The following CSMD1 variants were observed in gnomAD, a reference collection of about 807,000 sequenced individuals.
CSMD1 encodes CUB and Sushi multiple domains 1, also known as CUB and sushi domain-containing protein 1.
A neutral mutation model predicts 417.5 loss-of-function variants in CSMD1; 213 were observed. The ratio of observed to expected loss-of-function variants is 0.51; its 90% CI spans 0.46 to 0.57. The LOEUF (loss-of-function observed/expected upper bound fraction) is 0.57, where lower values mean the gene tolerates loss of function less well. Among genes scored for constraint, CSMD1 ranks in the 20% least tolerant of loss-of-function variants. The probability of loss-of-function intolerance (pLI) is 0.00; values close to 1 mark genes in which losing one functional copy is unlikely to be tolerated. For missense variants in CSMD1, 6,923 were observed against 4,529.7 expected, an observed-to-expected ratio of 1.53 and a Z score of -15.17; for synonymous variants, 2,862 against 1,736.8, an observed-to-expected ratio of 1.65 and a Z score of -16.11.
At chr8:4,071,572 C>G (rs967138125) in intron 3 of CSMD1, among the ~76,000 whole-genome samples, 2 of 152,250 alleles carry the variant, frequency 1.3e-5, no homozygotes, top group African/African-American at 4.8e-5. Flanking sequence ...ATTCCAACAT[C>G]TGTGTCCTAT....
chr8:3,631,421 C>G (rs1796778439), intron 7 of CSMD1, among the ~76,000 whole-genome samples: 1 of 152,120 alleles, frequency 6.6e-6, no homozygotes, highest in Admixed American at 6.5e-5. Flanking sequence ...CGTGGCTGAG[C>G]CTGGAGCGTT....
chr8:3,091,024 CAT>C (rs1814906384), intron 48 of CSMD1, among the ~76,000 whole-genome samples: 1 of 151,688 alleles, frequency 6.6e-6, no homozygotes, highest in African/African-American at 2.4e-5. Flanking sequence ...ATATATTAAA[CAT>C]ATATTTATTA....
chr8:3,192,820 T>C (rs1457177714), intron 33 of CSMD1, among the ~76,000 whole-genome samples: 1 of 152,194 alleles, frequency 6.6e-6, no homozygotes, highest in Non-Finnish European at 1.5e-5. Flanking sequence ...TGGAGCATTT[T>C]GAATTTTGGA....
intron 5 of CSMD1, among the ~76,000 whole-genome samples, chr8:3,933,637 A>G (rs1018440687): frequency 6.6e-6 from 1 of 152,192 alleles, no homozygotes. Context: ...TAGTCTCTAT[A>G]TTGAAGAGAT....
intron 3 of CSMD1, among the ~76,000 whole-genome samples, chr8:4,067,720 A>G (rs1799326326): frequency 6.6e-6 from 1 of 152,172 alleles, no homozygotes; most frequent in East Asian, 1.9e-4. Flanking sequence ...AGATAGTGTA[A>G]TTTGATAAAG....
At chr8:2,951,461 A>C (rs1460547827) in intron 65 of CSMD1, among the ~76,000 whole-genome samples, 186 bp from the exon 66 acceptor site, 2 of 152,202 alleles carry the variant, frequency 1.3e-5, no homozygotes, top group Admixed American at 1.3e-4. Context: ...GCAGGTGCGA[A>C]GATTATTATG....
At chr8:3,120,218 G>C (rs1817118205) in intron 41 of CSMD1, among the ~76,000 whole-genome samples, 1 of 152,116 alleles carries the variant, frequency 6.6e-6, no homozygotes, top group Non-Finnish European at 1.5e-5. Context: ...ACAGGGGATG[G>C]GAACACAAAG....
chr8:4,765,450 A>G (rs926215095), intron 1 of CSMD1, among the ~76,000 whole-genome samples: 1 of 152,248 alleles, frequency 6.6e-6, no homozygotes, highest in African/African-American at 2.4e-5. Flanking sequence ...AGCGTAATTC[A>G]ATTAAATGCA....
intron 23 of CSMD1, among the ~76,000 whole-genome samples, chr8:3,338,114 C>G (rs150640508): frequency 1.2e-4 from 18 of 152,280 alleles, no homozygotes; most frequent in African/African-American, 3.9e-4. Context: ...TACAAAAGGA[C>G]CCCCTTGAGG....
At chr8:4,033,911 C>T (rs952259740) in intron 3 of CSMD1, among the ~76,000 whole-genome samples, 5 of 152,108 alleles carry the variant, frequency 3.3e-5, no homozygotes, top group Non-Finnish European at 5.9e-5. Context: ...CTATTGTATC[C>T]ATATCTAAGG....
chr8:3,312,488 C>T (rs907048924), intron 23 of CSMD1, among the ~76,000 whole-genome samples: 3 of 152,108 alleles, frequency 2.0e-5, no homozygotes, highest in East Asian at 3.9e-4. Flanking sequence ...AAGTATTTGG[C>T]CATTCTAGAG....
intron 54 of CSMD1, among the ~76,000 whole-genome samples, chr8:2,984,330 C>T (rs1014368760): frequency 6.6e-6 from 1 of 152,080 alleles, no homozygotes; most frequent in Non-Finnish European, 1.5e-5. Context: ...GAAACCTGTG[C>T]GTTGAGGCTA....
At chr8:4,174,815 T>C (rs1483812462) in intron 3 of CSMD1, among the ~76,000 whole-genome samples, 1 of 113,370 alleles carries the variant, frequency 8.8e-6, no homozygotes. Flanking sequence ...TTCAGATTAG[T>C]TTGTGTGCCA....
intron 5 of CSMD1, among the ~76,000 whole-genome samples, chr8:3,933,047 C>T (rs1810262226): frequency 7.6e-6 from 1 of 131,202 alleles, no homozygotes; most frequent in Non-Finnish European, 1.6e-5. Flanking sequence ...AAAAAAACTG[C>T]TTGTGGCAAA....
At position 3,763,541 on chromosome 8, in the gene CSMD1, C is replaced by T. The variant is rs137865494; in HGVS notation, c.819-9499G>A. On this transcript the variant is annotated intron_variant, in intron 5 of 69. Coordinates refer to ENST00000635120, the MANE Select transcript of CSMD1 (RefSeq NM_033225.6). ...TACTGTGAATAAAAATTTCTTCAGG[C>T]CCTTACCAGAAGCCAAGCAGGTGCT... Among the ~76,000 whole-genome samples the T allele has an allele frequency of 7.2e-5, 11 of 152,266 alleles. No individual in the cohort carries two copies. In the East Asian group the frequency reaches 2.1e-3, roughly 29 times the overall value.
At chr8:3,891,298 C>G (rs987545116) in intron 5 of CSMD1, among the ~76,000 whole-genome samples, 1 of 152,156 alleles carries the variant, frequency 6.6e-6, no homozygotes, top group Non-Finnish European at 1.5e-5. Flanking sequence ...GATCTACCTG[C>G]CTCAACCTCC....
chr8:4,319,689 C>G (rs1292160107), intron 3 of CSMD1, among the ~76,000 whole-genome samples: 4 of 152,010 alleles, frequency 2.6e-5, no homozygotes, highest in African/African-American at 7.3e-5. Flanking sequence ...GGAAGCAATC[C>G]AAGCAGAATT....
chr8:4,693,899 C>A (rs1806946095), intron 1 of CSMD1, among the ~76,000 whole-genome samples: 1 of 65,478 alleles, frequency 1.5e-5, no homozygotes, highest in Non-Finnish European at 3.0e-5. Flanking sequence ...ACTAATATCA[C>A]AGTTTGCAGT....
At chr8:3,673,029 T>G (rs1799161115) in intron 7 of CSMD1, among the ~76,000 whole-genome samples, 1 of 152,228 alleles carries the variant, frequency 6.6e-6, no homozygotes, top group African/African-American at 2.4e-5. Flanking sequence ...AAGGTTCATT[T>G]CATCTCTAGA....
Sources: allele counts gnomAD v4.1 joint callset (sites outside exome capture counted in the v4.1 genomes callset), GRCh38; gene constraint gnomAD v4.1.1; transcripts MANE v1.5; gene names NCBI Gene and HGNC (gene_info 2026-07-23, HGNC 2026-07-21).